The following CC2D1B variants were observed in gnomAD, a reference collection of about 807,000 sequenced individuals.
CC2D1B encodes coiled-coil and C2 domain containing 1B.
A neutral mutation model predicts 110.8 loss-of-function variants in CC2D1B; 92 were observed. The observed-to-expected ratio is 0.83, with a 90% CI of 0.70 to 0.99. The LOEUF is 0.99. CC2D1B is among the 50% of genes least tolerant of loss of function. The probability of loss-of-function intolerance (pLI) is 0.00; values close to 1 mark genes in which losing one functional copy is unlikely to be tolerated. For missense variants in CC2D1B, 1,136 were observed against 1,089.0 expected, an observed-to-expected ratio of 1.04 and a Z score of -0.61; for synonymous variants, 406 against 429.2, an observed-to-expected ratio of 0.95 and a Z score of 0.67.
Position 52,359,037 on chromosome 1 carries a change from C to T in CC2D1B, c.1247G>A (p.Arg416His), listed in dbSNP as rs538885889. 16 of 1,606,554 alleles carry T rather than the reference C, an allele frequency of 1.0e-5. No individual in the cohort carries two copies. The highest frequency in any genetic ancestry group is 8.0e-5 in the African/African-American group (6 of 75,062). ...GDERKARMHE[R>H]IAKQYQDAIR... is the part of the protein sequence containing the mutation. ...TAGCCGCGGGCCCACCTTGGCAATG[C>T]GCTCATGCATCCGAGCCTTGCGCTC... Residue 416 changes from arginine (R) to histidine (H), a missense_variant, in exon 11 of 25, where the codon CGC becomes CAC. Physicochemically the swap from Arg to His is conservative, Grantham distance 29. Transcript: ENST00000284376.
chr1:52,361,429 C>A (rs2147895862), intron 4 of CC2D1B, 84 bp downstream of exon 4: 1 of 1,587,286 alleles, frequency 6.3e-7, no homozygotes, highest in South Asian at 1.2e-5. Flanking sequence ...TACAGGGGCA[C>A]CCCCAGCCTC....
chr1:52,357,992 A>G, intron 13 of CC2D1B, 94 bp from the exon 14 acceptor site: 2 of 1,479,128 alleles, frequency 1.4e-6, no homozygotes, highest in Non-Finnish European at 1.8e-6. Context: ...ACACTGTACT[A>G]CATCGCTGTG....
chr1:52,352,562 TC>T lies in CC2D1B; in HGVS notation c.*662del, dbSNP rs1646548238. 1 of 152,618 alleles carries T rather than the reference TC, an allele frequency of 6.6e-6. No individual in the cohort carries two copies. Among genetic ancestry groups the T allele is most frequent in the African/African-American group, 2.4e-5 (1 of 41,436 alleles). 9.5% of individuals were successfully genotyped at this position (152,618 alleles called of 1,614,324 possible). A position where few individuals can be genotyped will look rare whatever the true frequency, so the allele number is the denominator to read the frequency against. ...AAAATTTTATATATATATTTTTTCT[TC>T]CAGTTAACAGTCTTTTCTCTTGGGT... On this transcript the variant is annotated 3_prime_UTR_variant, in exon 25 of 25. Transcript: ENST00000284376.
chr1:52,352,632 C>T lies in CC2D1B; in HGVS notation c.*593G>A, dbSNP rs1255260440. 1.3e-5 allele frequency: 2 copies of T among 152,524 alleles called. No individual in the cohort carries two copies. The highest frequency in any genetic ancestry group is 2.4e-5 in the African/African-American group (1 of 41,408). The allele number at this position is 152,524 out of a possible 1,614,324, so 9.4% of individuals were successfully genotyped here. ...ATCCAACCTTCCCCTTACTTCCCACCAAGTAGTACCAAAAACAACTTTCCC... is the reference window on the plus strand; with the variant it reads ...ATCCAACCTTCCCCTTACTTCCCACTAAGTAGTACCAAAAACAACTTTCCC... On this transcript the variant is annotated 3_prime_UTR_variant, in exon 25 of 25. Coordinates refer to ENST00000284376, the MANE Select transcript of CC2D1B (RefSeq NM_001330585.2).
At position 52,360,151 on chromosome 1, in the gene CC2D1B, T is replaced by C. The variant is rs1428063308; in HGVS notation, c.686A>G (p.Lys229Arg). 3 of 1,612,848 alleles carry C rather than the reference T, an allele frequency of 1.9e-6. No individual in the cohort carries two copies. The East Asian group carries it at 6.7e-5, about 36-fold the overall frequency. ...DEIPPPVALG[K>R]RPLAPQEPAN... ...TGGTTCCTGGGGGGCCAGGGGCCGCTTTCCTAAGGCCACTGGAGGTGGGAT... is the reference window on the plus strand; with the variant it reads ...TGGTTCCTGGGGGGCCAGGGGCCGCCTTCCTAAGGCCACTGGAGGTGGGAT... The change falls in exon 7 of 25, where the codon AAG becomes AGG. Residue 229 changes from lysine to arginine, a missense_variant. By Grantham distance (26) the Lys-to-Arg change is conservative. Transcript: ENST00000284376.
Position 52,358,447 on chromosome 1 carries a change from G to A in CC2D1B, c.1345C>T (p.Pro449Ser), listed in dbSNP as rs930670244. 2.5e-6 allele frequency: 4 copies of A among 1,613,818 alleles called. No homozygotes were observed. Among genetic ancestry groups the A allele is most frequent in the African/African-American group, 1.3e-5 (1 of 74,928 alleles). ...ACACCCATAGTGGACTCCAGGCCAGGGATGGGGGGAAATCCTGTGGGAGAG... is the reference window on the plus strand; with the variant it reads ...ACACCCATAGTGGACTCCAGGCCAGAGATGGGGGGAAATCCTGTGGGAGAG... ...LPVPPGFPPI[P>S]GLESTMGVEE... Residue 449 changes from proline (P) to serine (S), a missense_variant, in exon 13 of 25, where the codon CCT (proline) becomes TCT (serine). Transcript: ENST00000284376.
chr1:52,362,476 C>T (rs1249714495), intron 3 of CC2D1B, 126 bp downstream of exon 3: 21 of 1,159,370 alleles, frequency 1.8e-5, no homozygotes, highest in Middle Eastern at 3.0e-4. Flanking sequence ...GGTGGGAGTG[C>T]GGCAGATGGG....
Position 52,352,235 on chromosome 1 carries a change from T to TACAACTACAAACC in CC2D1B, c.*977_*989dup, listed in dbSNP as rs756732517. 2 of 152,220 alleles carry TACAACTACAAACC rather than the reference T, an allele frequency of 1.3e-5. No individual in the cohort carries two copies. Among genetic ancestry groups the TACAACTACAAACC allele is most frequent in the Non-Finnish European group, 2.9e-5 (2 of 68,036 alleles). 9.4% of individuals were successfully genotyped at this position (152,220 alleles called of 1,614,324 possible). A position where few individuals can be genotyped will look rare whatever the true frequency, so the allele number is the denominator to read the frequency against. ...TTTCAGTTTTGAATATTAAATCTCT[T>TACAACTACAAACC]ACAACTACAAACCCCTTCATAGTCT... On this transcript the variant is annotated 3_prime_UTR_variant, in exon 25 of 25. Transcript: ENST00000284376.
chr1:52,361,642 C>A, intron 3 of CC2D1B, 26 bp from the exon 4 acceptor site: 1 of 1,613,338 alleles, frequency 6.2e-7, no homozygotes, highest in South Asian at 1.1e-5. Flanking sequence ...CACAACAAGT[C>A]AGCACAACTC....
chr1:52,362,790 G>A, intron 2 of CC2D1B, 44 bp from the exon 3 acceptor site: 2 of 1,604,340 alleles, frequency 1.2e-6, no homozygotes, highest in Non-Finnish European at 1.7e-6. Context: ...AACAAGCAGG[G>A]TAGGGTCCAG....
intron 15 of CC2D1B, 74 bp from the exon 16 acceptor site, chr1:52,357,200 C>T (rs1646672397): frequency 1.3e-6 from 2 of 1,545,066 alleles, no homozygotes; most frequent in African/African-American, 2.8e-5. Context: ...AAGGCAGGAG[C>T]CCAAACTAAG....
chr1:52,353,262 T>G, intron 24 of CC2D1B, 39 bp from the exon 25 acceptor site: 1 of 1,420,044 alleles, frequency 7.0e-7, no homozygotes, highest in Non-Finnish European at 9.3e-7. Flanking sequence ...CAGTCTAAAC[T>G]GCAGTGAAAA....
intron 15 of CC2D1B, among the ~76,000 whole-genome samples, 178 bp downstream of exon 15, chr1:52,357,348 T>G (rs540897204): frequency 6.6e-6 from 1 of 152,238 alleles, no homozygotes; most frequent in Admixed American, 6.5e-5. Context: ...TCCCTTCTCC[T>G]GGTTTCCTTT....
Position 52,357,626 on chromosome 1 carries a change from C to T in CC2D1B, c.1652G>A (p.Ser551Asn). 2 of 1,592,786 alleles carry T rather than the reference C, an allele frequency of 1.3e-6. No individual in the cohort carries two copies. The highest frequency in any genetic ancestry group is 8.6e-7 in the Non-Finnish European group (1 of 1,169,032). ...YQRAALQAKR[S>N]QDLEQAKAYL... is the part of the protein sequence containing the mutation. The stretch of plus-strand genomic sequence containing the variant: ...GGCTTTGGCCTGCTCCAGGTCCTGG[C>T]TGCGCTTGGCCTGCAGGGCTGCCCG... The change falls in exon 15 of 25, where the codon AGC becomes AAC. Residue 551 changes from serine to asparagine, a missense_variant. Ser to Asn is a conservative substitution (Grantham distance 46, BLOSUM62 1). Transcript: ENST00000284376.
intron 23 of CC2D1B, chr1:52,353,854 A>T (rs953799439): frequency 2.0e-6 from 1 of 505,328 alleles, no homozygotes; most frequent in Non-Finnish European, 3.5e-6. Flanking sequence ...AAAAAGTAAT[A>T]AATAAATCCA....
intron 4 of CC2D1B, 56 bp from the exon 5 acceptor site, chr1:52,361,188 C>T (rs969539702): frequency 6.2e-7 from 1 of 1,600,914 alleles, no homozygotes; most frequent in Non-Finnish European, 8.5e-7. Flanking sequence ...ATACCCACAA[C>T]AGGACCTGAG....
Position 52,362,690 on chromosome 1 carries a change from A to T in CC2D1B, c.126T>A (p.Ala42=). ...PEDMLLGMDE[A]EDDEDLEAEL... is the part of the protein sequence containing the mutation. ...CAGCCTCCAGGTCCTCATCATCTTC[A>T]GCCTCATCCATGCCCAGCAGCATGT... The change falls in exon 3 of 25, where the codon GCT becomes GCA. Residue 42 remains alanine, a synonymous_variant. Coordinates refer to ENST00000284376, the MANE Select transcript of CC2D1B (RefSeq NM_001330585.2). The T allele has an allele frequency of 6.2e-7, 1 of 1,614,110 alleles. No individual in the cohort carries two copies. The highest frequency in any genetic ancestry group is 1.1e-5 in the South Asian group (1 of 91,072).
At chr1:52,361,328 TC>T (rs1646778203) in intron 4 of CC2D1B, 184 bp downstream of exon 4, 1 of 1,218,866 alleles carries the variant, frequency 8.2e-7, no homozygotes, top group Admixed American at 2.2e-5. Context: ...AATCTGAGAA[TC>T]CCCAACTGCA....
In CC2D1B at chr1:52,353,149, C is replaced by CT; in HGVS notation, c.*75dup. The CT allele has an allele frequency of 7.7e-7, 1 of 1,301,842 alleles. No homozygotes were observed. The highest frequency in any genetic ancestry group is 1.0e-6 in the Non-Finnish European group (1 of 985,370). The allele number at this position is 1,301,842 out of a possible 1,614,324, so 80.6% of individuals were successfully genotyped here. A position where few individuals can be genotyped will look rare whatever the true frequency, so the allele number is the denominator to read the frequency against. ...CAGCATCTCTTATGTACAAAGGCTT[C>CT]TGAAGCCAGCAAAGCTGGGAAAGTC... On this transcript the variant is annotated 3_prime_UTR_variant, in exon 25 of 25. Transcript: ENST00000284376.
Sources: allele counts gnomAD v4.1 joint callset (sites outside exome capture counted in the v4.1 genomes callset), GRCh38; gene constraint gnomAD v4.1.1; transcripts MANE v1.5; gene names NCBI Gene and HGNC (gene_info 2026-07-23, HGNC 2026-07-21).